The following TANC2 variants were observed in gnomAD, a reference collection of about 807,000 sequenced individuals.
TANC2 encodes the protein protein TANC2.
TANC2 carries 26 observed loss-of-function variants against 210.5 expected under a neutral mutation model. That is an observed-to-expected ratio of 0.12 (90% CI 0.09 to 0.17). TANC2 has a LOEUF of 0.17. TANC2 is among the 10% of genes least tolerant of loss of function. TANC2 has a pLI of 1.00. For missense variants in TANC2, 2,129 were observed against 2,608.9 expected (o/e 0.82, Z 4.01); for synonymous variants, 931 against 967.1 (o/e 0.96, Z 0.69).
chr17:63,295,771 G>T (rs1211181111), intron 9 of TANC2, among the ~76,000 whole-genome samples: 3 of 152,126 alleles, frequency 2.0e-5, no homozygotes, highest in Admixed American at 2.0e-4. Flanking sequence ...TGAGAACTAG[G>T]TTTTGGGTCT....
chr17:63,203,387 C>T (rs1393599097), intron 7 of TANC2, among the ~76,000 whole-genome samples: 2 of 152,160 alleles, frequency 1.3e-5, no homozygotes, highest in Non-Finnish European at 2.9e-5. Flanking sequence ...TACTCGGTTA[C>T]AGGATACTAT....
chr17:63,160,545 AC>A (rs2039991754), intron 5 of TANC2, among the ~76,000 whole-genome samples: 1 of 152,208 alleles, frequency 6.6e-6, no homozygotes, highest in East Asian at 1.9e-4. Flanking sequence ...TTTTTAAAAA[AC>A]AATATACTGT....
intron 11 of TANC2, among the ~76,000 whole-genome samples, chr17:63,325,644 A>G (rs554429285): frequency 1.3e-5 from 2 of 152,356 alleles, no homozygotes; most frequent in East Asian, 1.9e-4. Context: ...AACCTAGCAC[A>G]GTGCCTGATA....
intron 7 of TANC2, among the ~76,000 whole-genome samples, chr17:63,221,653 T>A (rs910080939): frequency 6.6e-6 from 1 of 152,110 alleles, no homozygotes; most frequent in Non-Finnish European, 1.5e-5. Flanking sequence ...TAACAAGAGA[T>A]AGATGTTCAA....
chr17:63,424,852 A>G (rs934009237), exon 28 of TANC2: 1 of 152,232 alleles, frequency 6.6e-6, no homozygotes, highest in Non-Finnish European at 1.5e-5. Flanking sequence ...GGATCACAAC[A>G]TTTATAGCAC....
At chr17:63,322,526 T>C (rs2045528414) in intron 11 of TANC2, among the ~76,000 whole-genome samples, 1 of 152,132 alleles carries the variant, frequency 6.6e-6, no homozygotes, top group African/African-American at 2.4e-5. Context: ...AATATCTATC[T>C]TAGAAATACA....
intron 2 of TANC2, among the ~76,000 whole-genome samples, chr17:63,040,244 G>C (rs1202999372): frequency 6.6e-6 from 1 of 152,144 alleles, no homozygotes; most frequent in Non-Finnish European, 1.5e-5. Flanking sequence ...CCATGTTGTA[G>C]ACAGGGAGCA....
intron 5 of TANC2, among the ~76,000 whole-genome samples, chr17:63,158,455 T>C (rs1457819600): frequency 1.3e-5 from 2 of 152,220 alleles, no homozygotes; most frequent in Non-Finnish European, 2.9e-5. Context: ...AAGAATTCTG[T>C]GGGAGCAAAG....
chr17:63,283,637 G>A (rs2044131807), intron 9 of TANC2, among the ~76,000 whole-genome samples: 1 of 151,926 alleles, frequency 6.6e-6, no homozygotes. Flanking sequence ...TATCTCTGCA[G>A]TCATGTAGAC....
In TANC2 at chr17:62,967,323, G is replaced by A. The variant is rs147720591; in HGVS notation, c.-24+574G>A. On this transcript the variant is annotated intron_variant, in intron 1 of 27. Transcript: ENST00000689528. ...TTTTTGAGGTAGAGAAAGTAACCACGTGAAAGAAAAAAAGCAAATTGTGTC... is the reference window on the plus strand; with the variant it reads ...TTTTTGAGGTAGAGAAAGTAACCACATGAAAGAAAAAAAGCAAATTGTGTC... 357 of 152,196 alleles carry A rather than the reference G, an allele frequency of 2.3e-3. 2 individuals carry two copies. The highest frequency in any genetic ancestry group is 8.5e-3 in the African/African-American group (352 of 41,516). 9.4% of individuals were successfully genotyped at this position (152,196 alleles called of 1,614,324 possible).
intron 1 of TANC2, among the ~76,000 whole-genome samples, chr17:62,978,290 T>G (rs933084358): frequency 2.0e-5 from 3 of 152,222 alleles, no homozygotes; most frequent in Admixed American, 1.3e-4. Flanking sequence ...TTGTATAATA[T>G]TAACACATTC....
intron 8 of TANC2, among the ~76,000 whole-genome samples, chr17:63,243,610 T>C (rs2042836944): frequency 6.6e-6 from 1 of 152,200 alleles, no homozygotes; most frequent in African/African-American, 2.4e-5. Context: ...TGTACATTGA[T>C]ATAAAGTTCA....
At chr17:62,976,437 G>A (rs1598173896) in intron 1 of TANC2, among the ~76,000 whole-genome samples, 1 of 149,712 alleles carries the variant, frequency 6.7e-6, no homozygotes, top group African/African-American at 2.4e-5. Context: ...AAGGTGGACT[G>A]CTTGGAGGGT....
intron 4 of TANC2, 76 bp downstream of exon 4, chr17:63,099,433 T>C: frequency 9.2e-7 from 1 of 1,090,658 alleles, no homozygotes; most frequent in Non-Finnish European, 1.2e-6. Context: ...GTCAGATGTG[T>C]ATATTTGCAT....
intron 17 of TANC2, among the ~76,000 whole-genome samples, chr17:63,392,600 C>A (rs1373758794): frequency 2.6e-5 from 4 of 152,282 alleles, no homozygotes; most frequent in African/African-American, 9.6e-5. Flanking sequence ...ATTCTCATCT[C>A]ATCTATTACA....
At chr17:62,996,961 G>A (rs1027756747) in intron 1 of TANC2, among the ~76,000 whole-genome samples, 3 of 77,858 alleles carry the variant, frequency 3.9e-5, no homozygotes, top group South Asian at 3.8e-4. Flanking sequence ...TTACAAGTGC[G>A]CACCACCACG....
intron 8 of TANC2, among the ~76,000 whole-genome samples, chr17:63,256,647 T>C (rs1567858567): frequency 6.6e-6 from 1 of 152,230 alleles, no homozygotes; most frequent in Non-Finnish European, 1.5e-5. Context: ...ATGTTTCTTT[T>C]GATTTTCTGT....
intron 4 of TANC2, among the ~76,000 whole-genome samples, chr17:63,117,602 A>G (rs761993680): frequency 1.3e-5 from 2 of 152,230 alleles, no homozygotes; most frequent in Non-Finnish European, 2.9e-5. Flanking sequence ...TGTAACGCAC[A>G]GTAAGTTCTG....
Position 63,321,890 on chromosome 17 carries a change from T to A in TANC2, c.1575+2800T>A, listed in dbSNP as rs114509028. ...GATCTAACTTCTTACATAAACTTCA[T>A]ATAAATTCTGTGTTTTCAGGTCCCT... On this transcript the variant is annotated intron_variant, in intron 11 of 27. Transcript: ENST00000689528. Among the ~76,000 whole-genome samples, 1,270 of 152,302 alleles carry A rather than the reference T, an allele frequency of 8.3e-3. 15 individuals carry two copies. Among genetic ancestry groups the A allele is most frequent in the African/African-American group, 0.028 (1,161 of 41,552 alleles).
Sources: allele counts gnomAD v4.1 joint callset (sites outside exome capture counted in the v4.1 genomes callset), GRCh38; gene constraint gnomAD v4.1.1; transcripts MANE v1.5; gene names NCBI Gene and HGNC (gene_info 2026-07-23, HGNC 2026-07-21).